DCDC2C: variants seen among roughly 807,000 people sequenced by gnomAD.
The protein encoded by DCDC2C is doublecortin domain containing 2C.
DCDC2C carries 44 observed loss-of-function variants against 45.0 expected under a neutral mutation model. The observed-to-expected ratio is 0.98, with a 90% CI of 0.77 to 1.26. DCDC2C has a LOEUF of 1.26. DCDC2C is among the 50% of genes most tolerant of loss of function. DCDC2C has a pLI of 0.00. For synonymous variants in DCDC2C, 187 were observed against 178.8 expected, an observed-to-expected ratio of 1.05 and a Z score of -0.37; for missense variants, 447 against 468.9, an observed-to-expected ratio of 0.95 and a Z score of 0.43.
chr2:3,778,958 G>A, intron 9 of DCDC2C, 74 bp downstream of exon 9: 2 of 1,395,018 alleles, frequency 1.4e-6, no homozygotes, highest in Non-Finnish European at 2.0e-6. Flanking sequence ...CTCACGTTTG[G>A]TGGTGAAAGG....
intron 8 of DCDC2C, among the ~76,000 whole-genome samples, chr2:3,770,324 C>T (rs904978736): frequency 2.0e-5 from 3 of 152,298 alleles, no homozygotes; most frequent in South Asian, 2.1e-4. Context: ...CTCCTTTCTC[C>T]GAATGGATCA....
At chr2:3,764,364 T>C (rs1669961940) in intron 6 of DCDC2C, among the ~76,000 whole-genome samples, 1 of 152,262 alleles carries the variant, frequency 6.6e-6, no homozygotes, top group Non-Finnish European at 1.5e-5. Context: ...CCAACTCATA[T>C]TGTAATTTGC....
intron 10 of DCDC2C, among the ~76,000 whole-genome samples, chr2:3,845,859 T>A (rs1672315219): frequency 6.6e-6 from 1 of 152,242 alleles, no homozygotes; most frequent in Non-Finnish European, 1.5e-5. Flanking sequence ...CCACCATTTG[T>A]TGACCACAGG....
chr2:3,800,323 C>T (rs574807128), intron 10 of DCDC2C, among the ~76,000 whole-genome samples: 7 of 152,286 alleles, frequency 4.6e-5, no homozygotes, highest in South Asian at 4.1e-4. Context: ...AGAAATCACC[C>T]GTCTTCTGTG....
intron 2 of DCDC2C, among the ~76,000 whole-genome samples, chr2:3,723,809 T>C (rs1473335569): frequency 6.6e-6 from 1 of 152,072 alleles, no homozygotes; most frequent in Non-Finnish European, 1.5e-5. Flanking sequence ...TCCCAGATTT[T>C]GTAGTTGAAC....
chr2:3,744,264 C>T (rs913454538), intron 4 of DCDC2C, among the ~76,000 whole-genome samples: 1 of 152,168 alleles, frequency 6.6e-6, no homozygotes. Flanking sequence ...GGGATGGAGG[C>T]TCATGGCACA....
At chr2:3,799,668 G>A (rs1177253379) in intron 10 of DCDC2C, among the ~76,000 whole-genome samples, 10 of 152,206 alleles carry the variant, frequency 6.6e-5, no homozygotes, top group African/African-American at 1.9e-4. Context: ...GTGCCTCCCA[G>A]TTAGGCTGCT....
chr2:3,733,753 CT>C (rs1668942294), intron 3 of DCDC2C, among the ~76,000 whole-genome samples: 1 of 152,126 alleles, frequency 6.6e-6, no homozygotes, highest in African/African-American at 2.4e-5. Context: ...ATTGAATCAC[CT>C]TTTAAAGGCC....
chr2:3,767,011 C>T (rs73144877), intron 6 of DCDC2C, among the ~76,000 whole-genome samples: 3,726 of 152,256 alleles, frequency 0.024, 140 homozygotes, highest in African/African-American at 0.084. Flanking sequence ...CAGTGGACGG[C>T]GATGCCAAAA....
At chr2:3,836,246 C>G (rs1672072937) in intron 10 of DCDC2C, among the ~76,000 whole-genome samples, 2 of 152,066 alleles carry the variant, frequency 1.3e-5, no homozygotes, top group Non-Finnish European at 2.9e-5. Flanking sequence ...CTGTTTATGA[C>G]ACGATATCAG....
chr2:3,705,753 T>C (rs1188606178), intron 1 of DCDC2C, among the ~76,000 whole-genome samples: 6 of 152,194 alleles, frequency 3.9e-5, no homozygotes, highest in Admixed American at 3.9e-4. Context: ...GTCTCATGGT[T>C]TATTTAAAAT....
rs1377177148 is a variant in DCDC2C, at chr2:3,818,246, C to T, written c.1066-28908C>T. On this transcript the variant is annotated intron_variant, in intron 10 of 10. Coordinates refer to ENST00000399143, the MANE Select transcript of DCDC2C (RefSeq NM_001287444.2). The surrounding 1 kb of genome is among the most constrained non-coding windows in gnomAD (Gnocchi z 4.7). ...AAGGGCTTGACTGAAGTAATGAGGG[C>T]TGTCCATGAAGCCTTGTGGCAGTAC... Among the ~76,000 whole-genome samples the T allele has an allele frequency of 2.0e-5, 3 of 152,168 alleles. No individual in the cohort carries two copies. The highest frequency in any genetic ancestry group is 4.4e-5 in the Non-Finnish European group (3 of 68,046).
intron 7 of DCDC2C, 132 bp from the exon 8 acceptor site, chr2:3,769,179 A>T: frequency 2.7e-6 from 2 of 736,766 alleles, no homozygotes; most frequent in Non-Finnish European, 4.5e-6. Flanking sequence ...GGGGTTTGGG[A>T]CTGCAGACCA....
chr2:3,741,966 A>T lies in DCDC2C; in HGVS notation c.463A>T (p.Ile155Leu). 6.5e-7 allele frequency: 1 copy of T among 1,549,256 alleles called. No homozygotes were observed. Among genetic ancestry groups the T allele is most frequent in the Non-Finnish European group, 8.7e-7 (1 of 1,146,454 alleles). ...RLFIPPAKII[I>L]PKFSLSDWDI... The stretch of plus-strand genomic sequence containing the variant: ...ATTTATTCCACCTGCAAAAATCATT[A>T]TACCCAAATTTAGTCTGTCCGATTG... The change falls in exon 4 of 11, where the codon ATA (isoleucine) becomes TTA (leucine). Residue 155 changes from isoleucine (I) to leucine (L), a missense_variant. Physicochemically the swap from Ile to Leu is conservative, Grantham distance 5. Transcript: ENST00000399143.
chr2:3,797,711 T>A (rs1301119743), intron 10 of DCDC2C, among the ~76,000 whole-genome samples: 1 of 152,116 alleles, frequency 6.6e-6, no homozygotes, highest in Non-Finnish European at 1.5e-5. Flanking sequence ...GAGTTTTAGT[T>A]TGATTGCACT....
rs144761581 is a variant in DCDC2C at position 3,809,846 on chromosome 2, T to C, written c.1065+24746T>C. Among the ~76,000 whole-genome samples the C allele has an allele frequency of 5.0e-4, 76 of 152,310 alleles. No homozygotes were observed. In the East Asian group the frequency reaches 0.014, roughly 28 times the overall value. ...CTTATGAGTGAGAACATGTGGTGTTTTGTTTTCTGTTCCTGTGTTAGTTTG... is the reference window on the plus strand; with the variant it reads ...CTTATGAGTGAGAACATGTGGTGTTCTGTTTTCTGTTCCTGTGTTAGTTTG... On this transcript the variant is annotated intron_variant, in intron 10 of 10. Coordinates refer to ENST00000399143, the MANE Select transcript of DCDC2C (RefSeq NM_001287444.2).
chr2:3,752,765 T>C lies in DCDC2C; in HGVS notation c.548T>C (p.Leu183Ser). The C allele has an allele frequency of 1.9e-6, 3 of 1,550,482 alleles. No individual in the cohort carries two copies. The highest frequency in any genetic ancestry group is 2.6e-6 in the Non-Finnish European group (3 of 1,146,896). ...KVFPLGGVRKLFTMNGHLLGD... is the reference protein window; with the variant it reads ...KVFPLGGVRKSFTMNGHLLGD... ...ATTTCTTCTTTCTGTTTTTACAGAT[T>C]ATTTACAATGAATGGGCATCTTTTG... is the stretch of plus-strand genomic sequence containing the variant. The change falls in exon 5 of 11, where the codon TTA becomes TCA. Residue 183 changes from leucine to serine, a missense_variant and splice_region_variant. Physicochemically the swap from Leu to Ser is moderately radical, Grantham distance 145. Transcript: ENST00000399143.
chr2:3,708,453 CTATT>C (rs1288503442), intron 1 of DCDC2C, 92 bp from the exon 2 acceptor site: 2 of 905,056 alleles, frequency 2.2e-6, no homozygotes, highest in African/African-American at 1.7e-5. Context: ...GGGGTTGTAT[CTATT>C]AAGCCGGAAA....
At chr2:3,838,596 A>G (rs1558250036) in intron 10 of DCDC2C, among the ~76,000 whole-genome samples, 1 of 152,176 alleles carries the variant, frequency 6.6e-6, no homozygotes, top group Non-Finnish European at 1.5e-5. Context: ...CAGGAACTTC[A>G]AAGAGGCTGA....
Sources: allele counts gnomAD v4.1 joint callset (sites outside exome capture counted in the v4.1 genomes callset), GRCh38; gene constraint gnomAD v4.1.1; non-coding constraint Gnocchi (gnomAD v3.1); transcripts MANE v1.5; gene names NCBI Gene and HGNC (gene_info 2026-07-23, HGNC 2026-07-21).